Variants in TTC3 observed in about 807,000 individuals in gnomAD.
TTC3 encodes E3 ubiquitin-protein ligase TTC3.
Under a neutral mutation model 249.6 loss-of-function variants are expected in TTC3, and 180 were observed. The observed-to-expected ratio is 0.72, with a 90% CI of 0.64 to 0.82. The LOEUF (loss-of-function observed/expected upper bound fraction) is 0.82. TTC3 is among the 40% of genes least tolerant of loss of function. TTC3 has a pLI of 0.00. For missense variants in TTC3, 2,061 were observed against 2,398.4 expected, an observed-to-expected ratio of 0.86 and a Z score of 2.94; for synonymous variants, 717 against 805.0, an observed-to-expected ratio of 0.89 and a Z score of 1.85.
intron 15 of TTC3, 62 bp downstream of exon 15, chr21:37,126,205 C>T: frequency 6.7e-7 from 1 of 1,500,504 alleles, no homozygotes; most frequent in South Asian, 1.2e-5. Flanking sequence ...AATTTGGATG[C>T]CCTACAATGT....
chr21:37,141,937 C>T (rs1374571456), intron 20 of TTC3, among the ~76,000 whole-genome samples: 1 of 152,214 alleles, frequency 6.6e-6, no homozygotes, highest in African/African-American at 2.4e-5. Context: ...GGATGCAAGG[C>T]TGGTTCAACA....
intron 26 of TTC3, among the ~76,000 whole-genome samples, chr21:37,152,372 C>A (rs1601817296): frequency 6.9e-6 from 1 of 145,280 alleles, no homozygotes; most frequent in Non-Finnish European, 1.5e-5. Flanking sequence ...TTTAGGGGAA[C>A]TAAGTTGTTT....
At chr21:37,090,404 G>T in intron 6 of TTC3, 118 bp downstream of exon 6, 1 of 1,034,808 alleles carries the variant, frequency 9.7e-7, no homozygotes. Flanking sequence ...GTATTTGGTA[G>T]TATTGACTTC....
chr21:37,113,378 A>C (rs552780313), intron 11 of TTC3, among the ~76,000 whole-genome samples: 1 of 152,352 alleles, frequency 6.6e-6, no homozygotes, highest in African/African-American at 2.4e-5. Context: ...AATCACAAGC[A>C]TTCTTACACA....
chr21:37,159,558 A>C, intron 28 of TTC3, 141 bp from the exon 29 acceptor site: 4 of 932,722 alleles, frequency 4.3e-6, no homozygotes, highest in Non-Finnish European at 6.2e-6. Flanking sequence ...TTGGTTTCTA[A>C]ACTACACTTG....
intron 45 of TTC3, 43 bp from the exon 46 acceptor site, chr21:37,201,397 A>G: frequency 1.2e-6 from 2 of 1,612,026 alleles, no homozygotes; most frequent in East Asian, 2.2e-5. Flanking sequence ...AAGCTTCCTC[A>G]TGGTCCTGAA....
chr21:37,159,980 T>C (rs1227955701), intron 29 of TTC3, among the ~76,000 whole-genome samples: 2 of 152,224 alleles, frequency 1.3e-5, no homozygotes, highest in East Asian at 3.8e-4. Context: ...TTCTATAAAG[T>C]TTCAGAGCTG....
At chr21:37,093,963 A>C in intron 7 of TTC3, 42 bp from the exon 8 acceptor site, 1 of 1,356,826 alleles carries the variant, frequency 7.4e-7, no homozygotes, top group Non-Finnish European at 1.0e-6. Context: ...TTTTTTTTTA[A>C]ACAAATGTTC....
In TTC3 at chr21:37,182,825, A is replaced by T. The variant is rs2082883757; in HGVS notation, c.4669A>T (p.Lys1557Ter). The T allele has an allele frequency of 4.4e-6, 7 of 1,595,016 alleles. No homozygotes were observed. The highest frequency in any genetic ancestry group is 2.3e-5 in the South Asian group (2 of 86,414). ...CCTTCAAGATTTGGAAAGAGAAATT[A>T]AAAAATGGCAACAGGAAAAAAAAGA... Residue 1557 changes from lysine (K) to a stop codon, truncating the protein, a stop_gained, in exon 36 of 46, where the codon AAA becomes TAA. Coordinates refer to ENST00000355666, the Ensembl canonical transcript of TTC3. LOFTEE classifies it high-confidence loss of function.
intron 13 of TTC3, 63 bp downstream of exon 13, chr21:37,123,091 A>G: frequency 6.4e-7 from 1 of 1,552,412 alleles, no homozygotes; most frequent in Non-Finnish European, 8.9e-7. Context: ...TGAATTTAAG[A>G]ATCACTTATG....
At chr21:37,201,567 C>T in exon 46 of TTC3, 1 of 1,613,640 alleles carries the variant, frequency 6.2e-7, no homozygotes, top group African/African-American at 1.3e-5. Flanking sequence ...TCCTGCTCTT[C>T]TAGGTAGTCA....
intron 10 of TTC3, among the ~76,000 whole-genome samples, chr21:37,099,326 G>A (rs1294248121): frequency 3.3e-5 from 5 of 152,258 alleles, no homozygotes; most frequent in Admixed American, 2.0e-4. Context: ...TCACAACTAC[G>A]TGAGGTAGGT....
At chr21:37,111,275 T>G (rs1300234686) in intron 11 of TTC3, among the ~76,000 whole-genome samples, 1 of 151,576 alleles carries the variant, frequency 6.6e-6, no homozygotes, top group Non-Finnish European at 1.5e-5. Flanking sequence ...GGATAAAGAG[T>G]CAAGACCGAT....
intron 15 of TTC3, among the ~76,000 whole-genome samples, chr21:37,127,543 C>T (rs562723747): frequency 5.9e-5 from 9 of 152,242 alleles, no homozygotes; most frequent in East Asian, 5.8e-4. Flanking sequence ...CCTTTTAACA[C>T]GGAATTTAGG....
chr21:37,166,571 A>G, exon 33 of TTC3: 3 of 1,614,018 alleles, frequency 1.9e-6, no homozygotes, highest in Non-Finnish European at 2.5e-6. Flanking sequence ...AGAAAGCACC[A>G]GTGCAGTAAC....
chr21:37,156,928 T>G lies in TTC3; in HGVS notation c.2992+22T>G, dbSNP rs772108290. On this transcript the variant is annotated intron_variant, in intron 28 of 45. Transcript: ENST00000355666. The stretch of plus-strand genomic sequence containing the variant: ...ATGGGTATGTGGACTGAGTTTAGAC[T>G]TATATTACATTTAATCTTAAGGGGG... 8 of 1,601,090 alleles carry G rather than the reference T, an allele frequency of 5.0e-6. No homozygotes were observed. The Admixed American group carries it at 1.4e-4, about 27-fold the overall frequency.
intron 17 of TTC3, among the ~76,000 whole-genome samples, chr21:37,133,677 A>C (rs73201965): frequency 4.6e-5 from 7 of 152,162 alleles, no homozygotes; most frequent in Non-Finnish European, 7.4e-5. Context: ...TGGAGCTTTC[A>C]GGACAGATCA....
intron 29 of TTC3, 71 bp downstream of exon 29, chr21:37,159,816 G>C: frequency 1.4e-6 from 2 of 1,460,756 alleles, no homozygotes; most frequent in Non-Finnish European, 9.6e-7. Flanking sequence ...AGGGGACCCA[G>C]GCCAGTGTTT....
intron 10 of TTC3, among the ~76,000 whole-genome samples, chr21:37,105,026 T>C (rs940397668): frequency 1.3e-5 from 2 of 152,116 alleles, no homozygotes; most frequent in Non-Finnish European, 2.9e-5. Context: ...CAGGAGATTA[T>C]TAAGATGTGA....
Sources: gnomAD v4.1 joint callset for allele counts (sites outside exome capture counted in the v4.1 genomes callset) on GRCh38, gnomAD v4.1.1 for gene constraint, MANE v1.5 for transcripts, NCBI Gene and HGNC (gene_info 2026-07-23, HGNC 2026-07-21) for gene names.